PPARGC1A: variants seen among roughly 807,000 people sequenced by gnomAD.
PPARGC1A encodes the protein peroxisome proliferator-activated receptor gamma coactivator 1-alpha.
A neutral mutation model predicts 88.7 loss-of-function variants in PPARGC1A; 25 were observed. The observed-to-expected ratio is 0.28, with a 90% CI of 0.21 to 0.39. PPARGC1A has a LOEUF of 0.39. Among genes scored for constraint, PPARGC1A ranks in the 10% least tolerant of loss-of-function variants. PPARGC1A has a pLI of 1.00. For missense variants in PPARGC1A, 880 were observed against 968.7 expected (o/e 0.91, Z 1.22); for synonymous variants, 363 against 355.6 (o/e 1.02, Z -0.24).
At position 23,829,587 on chromosome 4, in the gene PPARGC1A, T is replaced by TAGA. The variant is rs1724636566; in HGVS notation, c.430-5_430-3dup. ...TGGTGCCAGTAAGAGCTTCTTAAGC[T>TAGA]AGAAACATTATCAGGGAAAGGGAAA... On this transcript the variant is annotated splice_polypyrimidine_tract_variant and splice_region_variant and intron_variant, in intron 3 of 12. Coordinates refer to ENST00000264867, the MANE Select transcript of PPARGC1A (RefSeq NM_013261.5). 1 of 1,608,926 alleles carries TAGA rather than the reference T, an allele frequency of 6.2e-7. No individual in the cohort carries two copies. The highest frequency in any genetic ancestry group is 1.3e-5 in the African/African-American group (1 of 74,908).
the PPARGC1A span, among the ~76,000 whole-genome samples, chr4:23,913,239 ATTT>A: frequency 8.9e-6 from 1 of 112,592 alleles, no homozygotes; most frequent in Non-Finnish European, 1.7e-5. Context: ...TATATTATAT[ATTT>A]TATATATATA....
At chr4:24,393,038 CACACACACA>C in the PPARGC1A span, among the ~76,000 whole-genome samples, 3 of 151,836 alleles carry the variant, frequency 2.0e-5, no homozygotes, top group Non-Finnish European at 4.4e-5. Context: ...CACACACACA[CACACACACA>C]CCCCTTTTTC....
At chr4:24,065,998 C>T in the PPARGC1A span, among the ~76,000 whole-genome samples, 21 of 152,280 alleles carry the variant, frequency 1.4e-4, no homozygotes, top group East Asian at 1.7e-3. Context: ...TGGGAATCAG[C>T]TACCTGATTT....
the PPARGC1A span, among the ~76,000 whole-genome samples, chr4:24,193,377 A>G: frequency 2.6e-5 from 4 of 152,186 alleles, no homozygotes; most frequent in Non-Finnish European, 5.9e-5. Context: ...AGATGCCAGA[A>G]GAATGCAAGA....
At chr4:24,422,979 T>A in the PPARGC1A span, among the ~76,000 whole-genome samples, 1 of 152,176 alleles carries the variant, frequency 6.6e-6, no homozygotes, top group Admixed American at 6.5e-5. Flanking sequence ...TAAAATAAAA[T>A]TAAAATACAG....
chr4:24,250,499 ACT>A, the PPARGC1A span, among the ~76,000 whole-genome samples: 2 of 152,122 alleles, frequency 1.3e-5, no homozygotes, highest in East Asian at 1.9e-4. Flanking sequence ...ACAGTATTAA[ACT>A]CTTTTTCCCA....
At chr4:24,227,442 G>A in the PPARGC1A span, among the ~76,000 whole-genome samples, 1 of 152,174 alleles carries the variant, frequency 6.6e-6, no homozygotes, top group African/African-American at 2.4e-5. Flanking sequence ...TTTGTAAAAC[G>A]AATATAGAAT....
the PPARGC1A span, among the ~76,000 whole-genome samples, chr4:23,937,241 T>G: frequency 6.6e-6 from 1 of 152,056 alleles, no homozygotes; most frequent in Admixed American, 6.5e-5. Flanking sequence ...GTTTTACAAG[T>G]GAAATCTGCC....
the PPARGC1A span, among the ~76,000 whole-genome samples, chr4:24,148,538 G>A: frequency 6.6e-6 from 1 of 152,152 alleles, no homozygotes; most frequent in East Asian, 1.9e-4. Flanking sequence ...TAAGATGTAA[G>A]CAACATAGCC....
chr4:23,927,074 A>T, the PPARGC1A span, among the ~76,000 whole-genome samples: 1 of 152,214 alleles, frequency 6.6e-6, no homozygotes, highest in South Asian at 2.1e-4. Context: ...TAATACATCT[A>T]ACCTACAACC....
At chr4:23,848,535 G>C (rs1355940090) in intron 2 of PPARGC1A, among the ~76,000 whole-genome samples, 1 of 152,174 alleles carries the variant, frequency 6.6e-6, no homozygotes, top group East Asian at 1.9e-4. Context: ...CTATCAGCTA[G>C]AGGTGGCCCT....
the PPARGC1A span, among the ~76,000 whole-genome samples, chr4:24,168,749 A>C: frequency 6.6e-6 from 1 of 152,252 alleles, no homozygotes; most frequent in Non-Finnish European, 1.5e-5. Context: ...GAAAAATACT[A>C]CGGTGTTGGA....
At chr4:24,238,635 T>C in the PPARGC1A span, among the ~76,000 whole-genome samples, 1 of 152,122 alleles carries the variant, frequency 6.6e-6, no homozygotes, top group Non-Finnish European at 1.5e-5. Flanking sequence ...ACTGGAGTGA[T>C]CAAATGTACA....
At chr4:24,371,193 T>A in the PPARGC1A span, among the ~76,000 whole-genome samples, 1 of 152,236 alleles carries the variant, frequency 6.6e-6, no homozygotes, top group Non-Finnish European at 1.5e-5. Flanking sequence ...GATGGGCATT[T>A]GGATTGGTTC....
the PPARGC1A span, among the ~76,000 whole-genome samples, chr4:24,113,041 T>C: frequency 6.6e-6 from 1 of 152,210 alleles, no homozygotes; most frequent in Non-Finnish European, 1.5e-5. Context: ...CCCATTTTAT[T>C]CCAGAAAACT....
chr4:24,033,370 A>T, the PPARGC1A span, among the ~76,000 whole-genome samples: 2 of 151,678 alleles, frequency 1.3e-5, no homozygotes, highest in Non-Finnish European at 2.9e-5. Flanking sequence ...ATAATAAAGG[A>T]GATAGAAGGG....
At chr4:24,382,232 A>G in the PPARGC1A span, among the ~76,000 whole-genome samples, 1 of 152,228 alleles carries the variant, frequency 6.6e-6, no homozygotes, top group East Asian at 1.9e-4. Context: ...CACTAATTGC[A>G]TGAAACAAAG....
the PPARGC1A span, among the ~76,000 whole-genome samples, chr4:24,075,324 T>C: frequency 6.6e-6 from 1 of 152,134 alleles, no homozygotes; most frequent in African/African-American, 2.4e-5. Flanking sequence ...TCAATAAAGG[T>C]AAGAGATCAA....
At chr4:24,308,657 G>A in the PPARGC1A span, among the ~76,000 whole-genome samples, 3 of 152,162 alleles carry the variant, frequency 2.0e-5, no homozygotes, top group African/African-American at 7.2e-5. Flanking sequence ...GGTCAAGTGT[G>A]AGGGTGAGAG....
Sources: gnomAD v4.1 joint callset for allele counts (sites outside exome capture counted in the v4.1 genomes callset) on GRCh38, gnomAD v4.1.1 for gene constraint, MANE v1.5 for transcripts, NCBI Gene and HGNC (gene_info 2026-07-23, HGNC 2026-07-21) for gene names.